The following SLIT2 variants were observed in gnomAD, a reference collection of about 807,000 sequenced individuals.
SLIT2 encodes the protein slit guidance ligand 2.
SLIT2 carries 41 observed loss-of-function variants against 185.7 expected under a neutral mutation model. That is an observed-to-expected ratio of 0.22 (90% CI 0.17 to 0.29). The LOEUF is 0.29. Among genes scored for constraint, SLIT2 ranks in the 10% least tolerant of loss-of-function variants. The pLI is 1.00. For synonymous variants in SLIT2, 693 were observed against 680.2 expected, an observed-to-expected ratio of 1.02 and a Z score of -0.29; for missense variants, 1,571 against 1,909.0, an observed-to-expected ratio of 0.82 and a Z score of 3.30.
chr4:20,266,693 G>A (rs1379151705), intron 3 of SLIT2, among the ~76,000 whole-genome samples: 1 of 151,900 alleles, frequency 6.6e-6, no homozygotes, highest in Non-Finnish European at 1.5e-5. Flanking sequence ...GGAATACAAA[G>A]ATTTAGTCTT....
intron 4 of SLIT2, among the ~76,000 whole-genome samples, chr4:20,361,226 G>T (rs2109293885): frequency 6.6e-6 from 1 of 151,830 alleles, no homozygotes; most frequent in South Asian, 2.1e-4. Context: ...TCTTCAACCA[G>T]ATTCACTTGA....
At chr4:20,473,519 G>A (rs1292574225) in intron 5 of SLIT2, among the ~76,000 whole-genome samples, 1 of 151,914 alleles carries the variant, frequency 6.6e-6, no homozygotes, top group Non-Finnish European at 1.5e-5. Context: ...TGGCAAACAG[G>A]ATAGAGAGAG....
At position 20,354,906 on chromosome 4, in the gene SLIT2, T is replaced by TGTGA. The variant is rs1165332356; in HGVS notation, c.395+86026_395+86027insTGAG. 4.1e-3 allele frequency among the ~76,000 whole-genome samples: 314 copies of TGTGA among 77,092 alleles called. 1 individual carries two copies. Among genetic ancestry groups the TGTGA allele is most frequent in the African/African-American group, 0.011 (253 of 23,238 alleles). The allele number at this position is 77,092 out of a possible 152,430, so 50.6% of individuals were successfully genotyped here. A position where few individuals can be genotyped will look rare whatever the true frequency, so the allele number is the denominator to read the frequency against. ...GTCTGCGTGTGTGTGTGTGTGTGTG[T>TGTGA]GAGAGAGAGAGAGAGAGAGAGAGAG... On this transcript the variant is annotated intron_variant, in intron 4 of 36. Coordinates refer to ENST00000504154, the MANE Select transcript of SLIT2 (RefSeq NM_004787.4).
Position 20,519,433 on chromosome 4 carries a change from A to G in SLIT2, c.1110A>G (p.Gly370=), listed in dbSNP as rs769722172. 4 of 1,584,652 alleles carry G rather than the reference A, an allele frequency of 2.5e-6. No individual in the cohort carries two copies. Among genetic ancestry groups the G allele is most frequent in the Non-Finnish European group, 3.5e-6 (4 of 1,154,050 alleles). Residue 370 remains glycine (G), a synonymous_variant, in exon 12 of 37, where the codon GGA becomes GGG. Coordinates refer to ENST00000504154, the MANE Select transcript of SLIT2 (RefSeq NM_004787.4). The stretch of plus-strand genomic sequence containing the variant: ...AACTCCCCAAAAGTTTATTTGAAGG[A>G]CTGTTTTCCTTACAGCTCCTGTAAG... ...ITELPKSLFE[G]LFSLQLLLLN...
intron 4 of SLIT2, among the ~76,000 whole-genome samples, chr4:20,277,904 G>A (rs1714325313): frequency 6.6e-6 from 1 of 151,704 alleles, no homozygotes; most frequent in African/African-American, 2.4e-5. Context: ...TTATGAGACA[G>A]TTAACCAAAA....
chr4:20,563,056 A>C (rs1724823857), intron 26 of SLIT2, among the ~76,000 whole-genome samples: 1 of 151,826 alleles, frequency 6.6e-6, no homozygotes, highest in South Asian at 2.1e-4. Context: ...GTCTGCCTAC[A>C]GGCTTTAATG....
At chr4:20,374,754 C>A (rs181377591) in intron 4 of SLIT2, among the ~76,000 whole-genome samples, 136 of 152,172 alleles carry the variant, frequency 8.9e-4, no homozygotes, top group Non-Finnish European at 1.6e-3. Context: ...ACAGGAAATG[C>A]AGCTTCAGTT....
At chr4:20,496,008 C>A (rs183739080) in intron 9 of SLIT2, among the ~76,000 whole-genome samples, 1 of 152,132 alleles carries the variant, frequency 6.6e-6, no homozygotes, top group Admixed American at 6.5e-5. Context: ...ATTTTCATAT[C>A]TGAATTTTAC....
intron 4 of SLIT2, among the ~76,000 whole-genome samples, chr4:20,368,870 C>A: frequency 6.6e-6 from 1 of 152,078 alleles, no homozygotes; most frequent in Admixed American, 6.6e-5. Flanking sequence ...TCTCCTGAAA[C>A]CCTGGGGTTG....
intron 4 of SLIT2, among the ~76,000 whole-genome samples, chr4:20,448,434 C>A (rs1348596582): frequency 6.6e-6 from 1 of 151,972 alleles, no homozygotes; most frequent in Non-Finnish European, 1.5e-5. Context: ...GATTCTTGTG[C>A]CTCAGCCTCC....
intron 4 of SLIT2, among the ~76,000 whole-genome samples, chr4:20,280,188 C>T (rs1168521535): frequency 6.6e-6 from 1 of 151,892 alleles, no homozygotes; most frequent in East Asian, 1.9e-4. Flanking sequence ...AAAAAATTAG[C>T]TGGGCGTGGT....
At chr4:20,515,302 A>G (rs1268527332) in intron 11 of SLIT2, among the ~76,000 whole-genome samples, 1 of 152,202 alleles carries the variant, frequency 6.6e-6, no homozygotes, top group African/African-American at 2.4e-5. Flanking sequence ...ATAGAAAGCA[A>G]TTTGTATGTT....
At position 20,548,983 on chromosome 4, in the gene SLIT2, C is replaced by G. The variant is rs373418479; in HGVS notation, c.2418-74C>G. ...AATAAGATGCTTTAATAAGCCTTAA[C>G]TGCTTTATTTTTGGAAGTATTTGGC... On this transcript the variant is annotated intron_variant, in intron 23 of 36. Coordinates refer to ENST00000504154, the MANE Select transcript of SLIT2 (RefSeq NM_004787.4). 5.6e-5 allele frequency: 46 copies of G among 822,502 alleles called. 2 individuals are homozygous for G. In the South Asian group the frequency reaches 6.4e-4, roughly 11 times the overall value. 51.0% of individuals were successfully genotyped at this position (822,502 alleles called of 1,614,324 possible).
At chr4:20,288,620 T>A (rs1715508416) in intron 4 of SLIT2, among the ~76,000 whole-genome samples, 1 of 152,124 alleles carries the variant, frequency 6.6e-6, no homozygotes, top group Non-Finnish European at 1.5e-5. Context: ...AACATTGAAG[T>A]ATACAAAATG....
rs150846150 is a variant in SLIT2, at chr4:20,480,548, G to A, written c.468-168G>A. 2.4e-3 allele frequency among the ~76,000 whole-genome samples: 361 copies of A among 152,210 alleles called. 1 individual carries two copies. The highest frequency in any genetic ancestry group is 7.7e-3 in the African/African-American group (320 of 41,518). Reference sequence around the variant, plus strand: ...TTCAGAACAAAAAGATTTCAGTGGCGGCATAGAGGCGAGAATGGCTTATGA... The same window carrying A: ...TTCAGAACAAAAAGATTTCAGTGGCAGCATAGAGGCGAGAATGGCTTATGA... On this transcript the variant is annotated intron_variant, in intron 5 of 36. Transcript: ENST00000504154.
At chr4:20,366,221 T>G (rs548391474) in intron 4 of SLIT2, among the ~76,000 whole-genome samples, 38 of 152,090 alleles carry the variant, frequency 2.5e-4, no homozygotes, top group Non-Finnish European at 5.0e-4. Context: ...CTCCTACTCT[T>G]TATTCTATAT....
At chr4:20,335,406 A>G (rs1170293949) in intron 4 of SLIT2, among the ~76,000 whole-genome samples, 1 of 152,212 alleles carries the variant, frequency 6.6e-6, no homozygotes, top group Non-Finnish European at 1.5e-5. Flanking sequence ...TATTCAATGA[A>G]TGTTTGAAAT....
chr4:20,328,521 T>C (rs949073054), intron 4 of SLIT2, among the ~76,000 whole-genome samples: 46 of 152,096 alleles, frequency 3.0e-4, no homozygotes, highest in Non-Finnish European at 1.2e-4. Context: ...TTCTAATTTG[T>C]AGTCTTTATC....
intron 4 of SLIT2, among the ~76,000 whole-genome samples, chr4:20,439,405 C>G (rs1399119311): frequency 1.3e-5 from 2 of 152,182 alleles, no homozygotes; most frequent in Non-Finnish European, 2.9e-5. Context: ...TCCTATGCCT[C>G]TCTCTTAGCT....
Sources: allele counts gnomAD v4.1 joint callset (sites outside exome capture counted in the v4.1 genomes callset), GRCh38; gene constraint gnomAD v4.1.1; transcripts MANE v1.5; gene names NCBI Gene and HGNC (gene_info 2026-07-23, HGNC 2026-07-21).